COA5: variants seen among roughly 807,000 people sequenced by gnomAD.
COA5 encodes cytochrome c oxidase assembly factor 5, also known as protein C2orf64.
In COA5, 11 loss-of-function variants were observed where a neutral mutation model predicts 11.8. That is an observed-to-expected ratio of 0.93 (90% CI 0.59 to 1.54). The LOEUF (loss-of-function observed/expected upper bound fraction) is 1.54, where lower values mean the gene tolerates loss of function less well. Ranked by LOEUF, COA5 falls within the 40% of genes most tolerant of loss-of-function variation. The pLI is 0.00. For missense variants in COA5, 87 were observed against 89.2 expected (o/e 0.97, Z 0.10); for synonymous variants, 38 against 37.5 (o/e 1.01, Z -0.05).
chr2:98,605,968 C>G (rs1248403224), intron 1 of COA5: 2 of 152,220 alleles, frequency 1.3e-5, no homozygotes, highest in Admixed American at 6.5e-5. Flanking sequence ...AATTTACATC[C>G]TTACCATTAC....
intron 1 of COA5, chr2:98,605,705 A>G (rs967596702): frequency 1.3e-5 from 2 of 152,230 alleles, no homozygotes; most frequent in Non-Finnish European, 2.9e-5. Context: ...GAAACTTTTA[A>G]CTTATTGGGG....
At chr2:98,605,292 C>A (rs1700692700) in intron 1 of COA5, among the ~76,000 whole-genome samples, 2 of 152,224 alleles carry the variant, frequency 1.3e-5, no homozygotes, top group African/African-American at 4.8e-5. Context: ...GTGTGGGAAA[C>A]AGGTGTAGAA....
chr2:98,608,457 G>C lies in COA5; in HGVS notation c.-52C>G, dbSNP rs542112716. The C allele has an allele frequency of 1.5e-5, 21 of 1,387,308 alleles. No individual in the cohort carries two copies. In the African/African-American group the frequency reaches 2.5e-4, roughly 17 times the overall value. The allele number at this position is 1,387,308 out of a possible 1,614,324, so 85.9% of individuals were successfully genotyped here. On this transcript the variant is annotated 5_prime_UTR_variant, in exon 1 of 3. Coordinates refer to ENST00000328709, the MANE Select transcript of COA5 (RefSeq NM_001008215.3). ...GCGACTTTCTCCCACCGCAACACTT[G>C]CAACCGGGTCGGGAGCGAGCGAGGC...
chr2:98,601,561 G>C (rs960812572), intron 2 of COA5, among the ~76,000 whole-genome samples: 2 of 152,160 alleles, frequency 1.3e-5, no homozygotes, highest in African/African-American at 4.8e-5. Context: ...GTAGTAGGTA[G>C]AGCAGAGGGT....
intron 2 of COA5, among the ~76,000 whole-genome samples, chr2:98,603,175 A>G (rs1391150291): frequency 6.6e-6 from 1 of 152,154 alleles, no homozygotes; most frequent in African/African-American, 2.4e-5. Context: ...TGTAGTTCCT[A>G]AGCAAACAAA....
chr2:98,608,375 C>T lies in COA5; in HGVS notation c.31G>A (p.Gly11Ser), dbSNP rs1202382749. The change falls in exon 1 of 3, where the codon GGC becomes AGC. Residue 11 changes from glycine (G) to serine (S), a missense_variant. Transcript: ENST00000328709. ...TCCTTCAGGCCCGCGCACGCGCCGC[C>T]CTGCGGCTTGTCCTCATAATACTTA... is the stretch of plus-strand genomic sequence containing the variant. MPKYYEDKPQ[G>S]GACAGLKEDL... is the part of the protein sequence containing the mutation. The T allele has an allele frequency of 6.2e-7, 1 of 1,606,584 alleles. No individual in the cohort carries two copies. The highest frequency in any genetic ancestry group is 8.5e-7 in the Non-Finnish European group (1 of 1,177,732).
rs1700622870 is a variant in COA5, at chr2:98,600,200, C to G, written c.*552G>C. The G allele has an allele frequency of 6.4e-6, 1 of 156,508 alleles. No individual in the cohort carries two copies. Among genetic ancestry groups the G allele is most frequent in the Non-Finnish European group, 1.4e-5 (1 of 70,606 alleles). 9.7% of individuals were successfully genotyped at this position (156,508 alleles called of 1,614,324 possible). Reference sequence around the variant, plus strand: ...GGCAACACAATCTGGGGCCTAGCATCAGCTATGCCTGTGGACGCTATTAAA... The same window carrying G: ...GGCAACACAATCTGGGGCCTAGCATGAGCTATGCCTGTGGACGCTATTAAA... On this transcript the variant is annotated 3_prime_UTR_variant, in exon 3 of 3. Coordinates refer to ENST00000328709, the MANE Select transcript of COA5 (RefSeq NM_001008215.3).
rs1022433583 is a variant in COA5 at position 98,600,596 on chromosome 2, G to T, written c.*156C>A. The stretch of plus-strand genomic sequence containing the variant: ...AGAATCATTTACTTTATACATATTC[G>T]AAAACAACTCATCCACTTTCTTCAG... On this transcript the variant is annotated 3_prime_UTR_variant, in exon 3 of 3. Coordinates refer to ENST00000328709, the MANE Select transcript of COA5 (RefSeq NM_001008215.3). 1 of 678,372 alleles carries T rather than the reference G, an allele frequency of 1.5e-6. No individual in the cohort carries two copies. 42.0% of individuals were successfully genotyped at this position (678,372 alleles called of 1,614,324 possible). A position where few individuals can be genotyped will look rare whatever the true frequency, so the allele number is the denominator to read the frequency against.
chr2:98,603,294 C>T (rs1238896678), intron 2 of COA5, among the ~76,000 whole-genome samples: 1 of 152,140 alleles, frequency 6.6e-6, no homozygotes, highest in African/African-American at 2.4e-5. Flanking sequence ...GCCTGGCCAA[C>T]ATGGTGAAAT....
intron 2 of COA5, chr2:98,602,737 G>T (rs1232854813): frequency 6.5e-6 from 1 of 154,178 alleles, no homozygotes; most frequent in Non-Finnish European, 1.5e-5. Flanking sequence ...TTTAGAAATG[G>T]TAAGATCATT....
intron 1 of COA5, among the ~76,000 whole-genome samples, chr2:98,606,984 C>A (rs1180910152): frequency 6.6e-6 from 1 of 152,212 alleles, no homozygotes. Context: ...AACTACTACT[C>A]AACTTTTAAG....
intron 1 of COA5, among the ~76,000 whole-genome samples, chr2:98,605,216 G>A (rs1488577209): frequency 6.6e-6 from 1 of 152,128 alleles, no homozygotes; most frequent in East Asian, 1.9e-4. Context: ...CATATGGCTG[G>A]GTGAGATCTC....
chr2:98,601,376 A>C (rs1700639757), intron 2 of COA5, among the ~76,000 whole-genome samples: 1 of 152,338 alleles, frequency 6.6e-6, no homozygotes, highest in Non-Finnish European at 1.5e-5. Context: ...TTAACTTTCT[A>C]GGTTTAGGTT....
At chr2:98,604,270 A>G in intron 1 of COA5, 79 bp from the exon 2 acceptor site, 1 of 1,111,706 alleles carries the variant, frequency 9.0e-7, no homozygotes, top group Non-Finnish European at 1.4e-6. Flanking sequence ...TTCTGAAAAT[A>G]GTCCTTTTTA....
At chr2:98,606,954 TC>T (rs977722463) in intron 1 of COA5, among the ~76,000 whole-genome samples, 2 of 152,154 alleles carry the variant, frequency 1.3e-5, no homozygotes, top group African/African-American at 4.8e-5. Flanking sequence ...CCACAACAGT[TC>T]CCACTCCTTT....
At chr2:98,606,392 C>T (rs550834575) in intron 1 of COA5, among the ~76,000 whole-genome samples, 2 of 152,188 alleles carry the variant, frequency 1.3e-5, no homozygotes, top group South Asian at 2.1e-4. Context: ...AAACTGTATA[C>T]GAACTTCCAT....
intron 1 of COA5, 30 bp downstream of exon 1, chr2:98,608,277 G>C (rs376170344): frequency 6.5e-7 from 1 of 1,532,918 alleles, no homozygotes; most frequent in South Asian, 1.2e-5. Context: ...GACAGGGGTC[G>C]TCACCACCGG....
intron 2 of COA5, chr2:98,602,657 A>C (rs1405657056): frequency 6.4e-6 from 1 of 157,122 alleles, no homozygotes. Context: ...TCAAAAAAAA[A>C]AAAAAAAAGG....
Position 98,608,489 on chromosome 2 carries a change from C to T in COA5, c.-84G>A. 1 of 1,082,418 alleles carries T rather than the reference C, an allele frequency of 9.2e-7. No homozygotes were observed. Among genetic ancestry groups the T allele is most frequent in the East Asian group, 2.6e-5 (1 of 38,890 alleles). 67.1% of individuals were successfully genotyped at this position (1,082,418 alleles called of 1,614,324 possible). On this transcript the variant is annotated 5_prime_UTR_variant, in exon 1 of 3. Coordinates refer to ENST00000328709, the MANE Select transcript of COA5 (RefSeq NM_001008215.3). ...GGTCGGGAGCGAGCGAGGCCCCAGT[C>T]TCAGGGGACCGGAAGCCAGCGGCAA...
Sources: allele counts gnomAD v4.1 joint callset (sites outside exome capture counted in the v4.1 genomes callset), GRCh38; gene constraint gnomAD v4.1.1; transcripts MANE v1.5; gene names NCBI Gene and HGNC (gene_info 2026-07-23, HGNC 2026-07-21).